Variants in ANK3 observed in about 807,000 individuals in gnomAD.
ANK3 encodes the protein ankyrin 3.
A neutral mutation model predicts 370.9 loss-of-function variants in ANK3; 57 were observed. The observed-to-expected ratio is 0.15, with a 90% confidence interval of 0.12 to 0.19. ANK3 has a LOEUF of 0.19. Ranked by LOEUF, ANK3 falls within the 10% of genes least tolerant of loss-of-function variation. The pLI, the probability that ANK3 is intolerant of heterozygous loss-of-function variation, is 1.00. For synonymous variants in ANK3, 1,929 were observed against 1,946.3 expected (o/e 0.99, Z 0.23); for missense variants, 4,439 against 5,302.1 (o/e 0.84, Z 5.06).
In ANK3 at chr10:60,055,970, A is replaced by G. The variant is rs1262670106; in HGVS notation, c.12753T>C (p.Asn4251=). 1.2e-6 allele frequency: 2 copies of G among 1,613,846 alleles called. No homozygotes were observed. Among genetic ancestry groups the G allele is most frequent in the East Asian group, 2.2e-5 (1 of 44,898 alleles). Residue 4251 remains asparagine, a synonymous_variant, in exon 42 of 44, where the codon AAT becomes AAC. Transcript: ENST00000280772. ...LKGEAGKFEA[N]GSHTEITPEA... ...CTGGAGTGATTTCTGTATGGCTTCC[A>G]TTTGCTTCAAATTTGCCAGCTTCTC...
intron 2 of ANK3, among the ~76,000 whole-genome samples, chr10:60,443,210 T>C (rs927043841): frequency 1.3e-5 from 2 of 152,212 alleles, no homozygotes; most frequent in East Asian, 1.9e-4. Context: ...CTGGGTACTA[T>C]AGGTGAGGAA....
In ANK3 at chr10:60,073,475, A is replaced by C. The variant is rs759083423; in HGVS notation, c.7406T>G (p.Leu2469Arg). 6 of 1,614,104 alleles carry C rather than the reference A, an allele frequency of 3.7e-6. No homozygotes were observed. In the East Asian group the frequency reaches 1.3e-4, roughly 36 times the overall value. ...ATGAGACACATCTAGCTTTTCTGACAGAAGCATTTTCTCAGCAAACCTGTA... is the reference window on the plus strand; with the variant it reads ...ATGAGACACATCTAGCTTTTCTGACCGAAGCATTTTCTCAGCAAACCTGTA... ...ESYRFAEKML[L>R]SEKLDVSHSD... Residue 2469 changes from leucine (L) to arginine (R), a missense_variant, in exon 37 of 44, where the codon CTG (leucine) becomes CGG (arginine). This residue lies in a region of ANK3 where 1,601 missense variants were observed against 1,731.7 expected (regional missense o/e 0.92). Coordinates refer to ENST00000280772, the MANE Select transcript of ANK3 (RefSeq NM_020987.5).
At chr10:60,426,633 TAAG>T (rs1433844461) in intron 2 of ANK3, among the ~76,000 whole-genome samples, 1 of 152,094 alleles carries the variant, frequency 6.6e-6, no homozygotes, top group Non-Finnish European at 1.5e-5. Flanking sequence ...TGCTAATATG[TAAG>T]AAGTGCTTTT....
At chr10:60,099,211 T>A (rs1181683935) in intron 28 of ANK3, among the ~76,000 whole-genome samples, 1 of 152,026 alleles carries the variant, frequency 6.6e-6, no homozygotes, top group Non-Finnish European at 1.5e-5. Flanking sequence ...TTTCTCTCTC[T>A]TGGGTATGGG....
At chr10:60,566,041 T>C (rs185120828) in intron 2 of ANK3, among the ~76,000 whole-genome samples, 8 of 152,360 alleles carry the variant, frequency 5.3e-5, no homozygotes, top group Non-Finnish European at 8.8e-5. Flanking sequence ...GGTCACATTT[T>C]GGTAATTCTC....
In ANK3 at chr10:60,196,508, G is replaced by T; in HGVS notation, c.1788+19C>A. On this transcript the variant is annotated intron_variant, in intron 15 of 43. Transcript: ENST00000280772. Reference sequence around the variant, plus strand: ...TATCGTGGAAGTGGCCTGCTTCAGGGTGGCTGGTGACCTCTTACCTTCCCA... The same window carrying T: ...TATCGTGGAAGTGGCCTGCTTCAGGTTGGCTGGTGACCTCTTACCTTCCCA... The T allele has an allele frequency of 2.6e-6, 4 of 1,548,366 alleles. No homozygotes were observed. Among genetic ancestry groups the T allele is most frequent in the Middle Eastern group, 1.7e-4 (1 of 5,900 alleles).
intron 4 of ANK3, among the ~76,000 whole-genome samples, chr10:60,277,110 G>C (rs760057263): frequency 1.3e-5 from 2 of 152,176 alleles, no homozygotes; most frequent in African/African-American, 2.4e-5. Flanking sequence ...CATGCAGTTG[G>C]AAGCACTGTG....
chr10:60,626,688 C>T (rs2078415018), intron 1 of ANK3, among the ~76,000 whole-genome samples: 1 of 152,056 alleles, frequency 6.6e-6, no homozygotes. Context: ...AGCCTTAGTG[C>T]CTGAGAGATG....
At chr10:60,639,826 CAGAT>C (rs759620713) in intron 1 of ANK3, among the ~76,000 whole-genome samples, 2 of 151,606 alleles carry the variant, frequency 1.3e-5, no homozygotes, top group Non-Finnish European at 2.9e-5. Context: ...AAATAGTAAA[CAGAT>C]AGCAAAATAA....
chr10:60,172,267 G>T, intron 21 of ANK3, 41 bp downstream of exon 21: 2 of 1,515,208 alleles, frequency 1.3e-6, no homozygotes, highest in Non-Finnish European at 1.8e-6. Context: ...CTGGCTGAAA[G>T]CTGGCTCCTA....
At chr10:60,665,723 T>C (rs902021837) in intron 1 of ANK3, among the ~76,000 whole-genome samples, 35 of 152,228 alleles carry the variant, frequency 2.3e-4, no homozygotes, top group African/African-American at 7.5e-4. Flanking sequence ...CAGCGTAATT[T>C]CTGCCAACCT....
chr10:60,420,007 C>T (rs1408216730), intron 2 of ANK3, among the ~76,000 whole-genome samples: 1 of 152,012 alleles, frequency 6.6e-6, no homozygotes, highest in Non-Finnish European at 1.5e-5. Context: ...TAACAAAAAC[C>T]AAACATCTGA....
chr10:60,661,739 G>T (rs1454959551), intron 1 of ANK3, among the ~76,000 whole-genome samples: 1 of 152,162 alleles, frequency 6.6e-6, no homozygotes, highest in East Asian at 1.9e-4. Flanking sequence ...GTTTCCAGGC[G>T]TAGCTGCAAG....
chr10:60,044,117 A>T (rs1432546945), intron 42 of ANK3: 1 of 985,578 alleles, frequency 1.0e-6, no homozygotes, highest in Non-Finnish European at 1.2e-6. Flanking sequence ...AATTCGTCTT[A>T]ATACTTTCCG....
rs869144298 is a variant in ANK3, at chr10:60,246,255, C to CAAAAAAAAAAAAAAAAAAAA, written c.799-11489_799-11470dup. Among the ~76,000 whole-genome samples the CAAAAAAAAAAAAAAAAAAAA allele has an allele frequency of 7.6e-5, 7 of 92,702 alleles. 1 individual carries two copies. The highest frequency in any genetic ancestry group is 3.3e-4 in the African/African-American group (7 of 21,252). 60.8% of individuals were successfully genotyped at this position (92,702 alleles called of 152,430 possible). A position where few individuals can be genotyped will look rare whatever the true frequency, so the allele number is the denominator to read the frequency against. Reference sequence around the variant, plus strand: ...TGGGCAACAGAGAGAAACCCTGTATCAAAAAAAAAAAAAAAAAAAAAAAAA... The same window carrying CAAAAAAAAAAAAAAAAAAAA: ...TGGGCAACAGAGAGAAACCCTGTATCAAAAAAAAAAAAAAAAAAAAAAAAAAAAAAAAAAAAAAAAAAAAA... On this transcript the variant is annotated intron_variant, in intron 7 of 43. Coordinates refer to ENST00000280772, the MANE Select transcript of ANK3 (RefSeq NM_020987.5).
intron 1 of ANK3, among the ~76,000 whole-genome samples, chr10:60,299,355 A>G (rs1180406697): frequency 6.6e-6 from 1 of 152,202 alleles, no homozygotes; most frequent in Admixed American, 6.5e-5. Flanking sequence ...TAACACTGTG[A>G]AATGACAGCT....
chr10:60,354,443 T>C (rs562415669), intron 1 of ANK3, among the ~76,000 whole-genome samples: 1 of 152,362 alleles, frequency 6.6e-6, no homozygotes, highest in South Asian at 2.1e-4. Flanking sequence ...AGTAGTAAAC[T>C]GCTTTCATTA....
At chr10:60,090,708 T>C (rs1442504455) in intron 28 of ANK3, among the ~76,000 whole-genome samples, 1 of 152,218 alleles carries the variant, frequency 6.6e-6, no homozygotes, top group Non-Finnish European at 1.5e-5. Flanking sequence ...TAGAATGAGA[T>C]ACTATCTCCC....
At chr10:60,058,901 C>A (rs1042554197) in intron 41 of ANK3, among the ~76,000 whole-genome samples, 2 of 152,048 alleles carry the variant, frequency 1.3e-5, no homozygotes, top group Admixed American at 6.6e-5. Flanking sequence ...ATTACAGGTG[C>A]GTGACACCAC....
Sources: allele counts gnomAD v4.1 joint callset (sites outside exome capture counted in the v4.1 genomes callset), GRCh38; gene constraint gnomAD v4.1.1; regional missense constraint gnomAD v4.1.1; transcripts MANE v1.5; gene names NCBI Gene and HGNC (gene_info 2026-07-23, HGNC 2026-07-21).